Variants in BABAM2 observed in about 807,000 individuals in gnomAD.
The protein encoded by BABAM2 is BRISC and BRCA1 A complex member 2, also known as BRISC and BRCA1-A complex member 2.
A neutral mutation model predicts 54.7 loss-of-function variants in BABAM2; 31 were observed. That is an observed-to-expected ratio of 0.57 (90% CI 0.43 to 0.77). The LOEUF is 0.77. Ranked by LOEUF, BABAM2 falls within the 30% of genes least tolerant of loss-of-function variation. The probability of loss-of-function intolerance (pLI) is 0.00; values close to 1 mark genes in which losing one functional copy is unlikely to be tolerated. For missense variants in BABAM2, 364 were observed against 455.8 expected (o/e 0.80, Z 1.83); for synonymous variants, 167 against 162.9 (o/e 1.03, Z -0.19).
intron 8 of BABAM2, among the ~76,000 whole-genome samples, chr2:28,237,856 A>G (rs1259641608): frequency 1.3e-5 from 2 of 151,478 alleles, no homozygotes; most frequent in East Asian, 3.9e-4. Flanking sequence ...TGGTCTTTTT[A>G]TTTTTATTTT....
At chr2:27,961,831 G>A (rs907094201) in intron 3 of BABAM2, among the ~76,000 whole-genome samples, 1 of 147,892 alleles carries the variant, frequency 6.8e-6, no homozygotes, top group African/African-American at 2.5e-5. Flanking sequence ...AGGCTCAAGT[G>A]ATCCTCCCAT....
chr2:28,176,569 C>CAAAAAAAAAAAAAAA lies in BABAM2; in HGVS notation c.680+47202_680+47216dup, dbSNP rs778275011. 4.2e-3 allele frequency among the ~76,000 whole-genome samples: 21 copies of CAAAAAAAAAAAAAAA among 5,040 alleles called. 10 individuals are homozygous for CAAAAAAAAAAAAAAA. The highest frequency in any genetic ancestry group is 5.6e-3 in the Non-Finnish European group (16 of 2,864). 3.3% of individuals were successfully genotyped at this position (5,040 alleles called of 152,430 possible). On this transcript the variant is annotated intron_variant, in intron 7 of 11. Coordinates refer to ENST00000379624, the MANE Select transcript of BABAM2 (RefSeq NM_199191.3). ...TGGGCAACACAGTGAGACTCTATCTCAAAAAAAAAAAAAAAAAAAAAAAAA... is the reference window on the plus strand; with the variant it reads ...TGGGCAACACAGTGAGACTCTATCTCAAAAAAAAAAAAAAAAAAAAAAAAAAAAAAAAAAAAAAAA...
intron 6 of BABAM2, among the ~76,000 whole-genome samples, chr2:28,114,277 G>A (rs1433428089): frequency 2.6e-5 from 4 of 152,084 alleles, no homozygotes; most frequent in Non-Finnish European, 5.9e-5. Flanking sequence ...AAAACCCATC[G>A]TCTCAGCCCC....
In BABAM2 at chr2:28,016,187, A is replaced by G; in HGVS notation, c.301-9039A>G. On this transcript the variant is annotated intron_variant, in intron 4 of 11. Coordinates refer to ENST00000379624, the MANE Select transcript of BABAM2 (RefSeq NM_199191.3). Reference sequence around the variant, plus strand: ...GAAGAAGAAGATGAATACTTACCAGATTTCTTCTTTTTTCTTTCTCTGTCT... The same window carrying G: ...GAAGAAGAAGATGAATACTTACCAGGTTTCTTCTTTTTTCTTTCTCTGTCT... The G allele has an allele frequency of 2.6e-6, 3 of 1,176,394 alleles. No individual in the cohort carries two copies. In the Admixed American group the frequency reaches 6.1e-5, roughly 24 times the overall value. 72.9% of individuals were successfully genotyped at this position (1,176,394 alleles called of 1,614,324 possible).
chr2:27,907,488 A>G (rs1260300326), intron 2 of BABAM2, among the ~76,000 whole-genome samples: 4 of 152,066 alleles, frequency 2.6e-5, no homozygotes, highest in African/African-American at 9.7e-5. Flanking sequence ...TGTTGGGTCA[A>G]TTTTGGGCTT....
intron 2 of BABAM2, among the ~76,000 whole-genome samples, chr2:27,924,741 A>T (rs1440000546): frequency 6.6e-6 from 1 of 152,170 alleles, no homozygotes; most frequent in East Asian, 1.9e-4. Context: ...TGCAACTTGA[A>T]TTTTCACAGT....
chr2:28,120,966 C>T (rs1244129383), intron 6 of BABAM2, among the ~76,000 whole-genome samples: 1 of 152,154 alleles, frequency 6.6e-6, no homozygotes, highest in Non-Finnish European at 1.5e-5. Flanking sequence ...TAAAGAGTGG[C>T]CCATTTTGTC....
intron 10 of BABAM2, among the ~76,000 whole-genome samples, chr2:28,257,583 G>A (rs1207960882): frequency 1.6e-4 from 24 of 151,912 alleles, no homozygotes; most frequent in Admixed American, 1.5e-3. Context: ...CCAAGTTTTA[G>A]TTATTAAGAA....
At chr2:27,904,218 G>T (rs894481576) in intron 2 of BABAM2, among the ~76,000 whole-genome samples, 1 of 152,216 alleles carries the variant, frequency 6.6e-6, no homozygotes, top group African/African-American at 2.4e-5. Flanking sequence ...AGTATTTTCA[G>T]ACCAAACATT....
At chr2:28,075,423 T>C (rs1308842259) in intron 6 of BABAM2, among the ~76,000 whole-genome samples, 6 of 152,216 alleles carry the variant, frequency 3.9e-5, no homozygotes, top group Non-Finnish European at 7.3e-5. Context: ...CAATACATAA[T>C]GCTGTTCCCT....
chr2:28,140,425 A>AT (rs528190365), intron 7 of BABAM2, among the ~76,000 whole-genome samples: 10 of 152,102 alleles, frequency 6.6e-5, no homozygotes, highest in African/African-American at 1.2e-4. Context: ...GGACAAGGCA[A>AT]TTTTTTTAGA....
At chr2:28,104,608 A>G (rs1667348631) in intron 6 of BABAM2, among the ~76,000 whole-genome samples, 1 of 152,214 alleles carries the variant, frequency 6.6e-6, no homozygotes, top group Non-Finnish European at 1.5e-5. Flanking sequence ...AAACTAGTTC[A>G]ACCATTGTGG....
At position 28,246,210 on chromosome 2, in the gene BABAM2, C is replaced by T. The variant is rs116377702; in HGVS notation, c.934+1348C>T. On this transcript the variant is annotated intron_variant, in intron 10 of 11. Transcript: ENST00000379624. Reference sequence around the variant, plus strand: ...GCCTCCTGGCAATCTCCTCTTTGCTCAGTGTCTTCGATGGCCCTACTAATC... The same window carrying T: ...GCCTCCTGGCAATCTCCTCTTTGCTTAGTGTCTTCGATGGCCCTACTAATC... 9.7e-4 allele frequency among the ~76,000 whole-genome samples: 147 copies of T among 152,320 alleles called. 1 individual carries two copies. The highest frequency in any genetic ancestry group is 3.4e-3 in the African/African-American group (143 of 41,572).
At chr2:27,996,965 A>G (rs565388894) in intron 4 of BABAM2, among the ~76,000 whole-genome samples, 21 of 152,334 alleles carry the variant, frequency 1.4e-4, no homozygotes, top group African/African-American at 4.8e-4. Context: ...AGTCCTCTCC[A>G]TTATATTTTG....
intron 11 of BABAM2, among the ~76,000 whole-genome samples, chr2:28,306,840 G>C (rs541965208): frequency 6.6e-6 from 1 of 151,288 alleles, no homozygotes; most frequent in Non-Finnish European, 1.5e-5. Context: ...GGGACTACAG[G>C]CTCGCGCCAC....
At chr2:28,024,302 A>G (rs943366654) in intron 4 of BABAM2, among the ~76,000 whole-genome samples, 1 of 152,006 alleles carries the variant, frequency 6.6e-6, no homozygotes, top group Admixed American at 6.5e-5. Flanking sequence ...GCTACTCGGG[A>G]GACTGAGGCA....
chr2:28,241,103 GTC>G (rs1682386064), intron 8 of BABAM2, among the ~76,000 whole-genome samples: 1 of 152,092 alleles, frequency 6.6e-6, no homozygotes, highest in African/African-American at 2.4e-5. Flanking sequence ...CTGTCATGAT[GTC>G]TCTCATTTCC....
intron 7 of BABAM2, among the ~76,000 whole-genome samples, chr2:28,220,838 C>T (rs1220643329): frequency 6.6e-6 from 1 of 152,196 alleles, no homozygotes; most frequent in African/African-American, 2.4e-5. Flanking sequence ...AGGAGGATCA[C>T]TTGAGCCCCA....
chr2:27,966,842 C>T (rs1310516953), intron 3 of BABAM2, among the ~76,000 whole-genome samples: 5 of 152,110 alleles, frequency 3.3e-5, no homozygotes, highest in Non-Finnish European at 7.4e-5. Flanking sequence ...TGTTTTGTTC[C>T]TTTATTTGCC....
Sources: gnomAD v4.1 joint callset for allele counts (sites outside exome capture counted in the v4.1 genomes callset) on GRCh38, gnomAD v4.1.1 for gene constraint, MANE v1.5 for transcripts, NCBI Gene and HGNC (gene_info 2026-07-23, HGNC 2026-07-21) for gene names.